DPP6: variants seen among roughly 807,000 people sequenced by gnomAD.
The protein encoded by DPP6 is dipeptidyl peptidase like 6.
A neutral mutation model predicts 122.6 loss-of-function variants in DPP6; 69 were observed. The observed-to-expected ratio is 0.56, with a 90% confidence interval of 0.46 to 0.69. The LOEUF is 0.69. Among genes scored for constraint, DPP6 ranks in the 30% least tolerant of loss-of-function variants. The pLI is 0.00. For missense variants in DPP6, 928 were observed against 1,116.9 expected (o/e 0.83, Z 2.41); for synonymous variants, 418 against 433.1 (o/e 0.97, Z 0.43).
Position 154,649,568 on chromosome 7 carries a change from G to A in DPP6, c.680+11695G>A, listed in dbSNP as rs1007817376. ...TCCGCCCGGTCACTGTGTATGGCAG[G>A]TGGAATCCACCATGCCCTGGGGGTG... is the stretch of plus-strand genomic sequence containing the variant. On this transcript the variant is annotated intron_variant, in intron 6 of 25. Transcript: ENST00000377770. Among the ~76,000 whole-genome samples the A allele has an allele frequency of 2.0e-5, 3 of 152,164 alleles. No individual in the cohort carries two copies. The East Asian group carries it at 5.8e-4, about 29-fold the overall frequency.
chr7:153,955,582 G>C (rs575506817), intron 1 of DPP6, among the ~76,000 whole-genome samples: 1 of 152,138 alleles, frequency 6.6e-6, no homozygotes, highest in Non-Finnish European at 1.5e-5. Context: ...GGGATTACAG[G>C]CACCCGCCAC....
the DPP6 span, among the ~76,000 whole-genome samples, chr7:153,771,150 C>A: frequency 6.6e-6 from 1 of 151,954 alleles, no homozygotes; most frequent in African/African-American, 2.4e-5. Context: ...TAAATAAATG[C>A]CAATATAAGT....
At chr7:153,979,426 T>C (rs527509959) in intron 1 of DPP6, among the ~76,000 whole-genome samples, 1 of 152,390 alleles carries the variant, frequency 6.6e-6, no homozygotes, top group African/African-American at 2.4e-5. Flanking sequence ...AAGTTGCTTA[T>C]CAGCTTAAGG....
the DPP6 span, among the ~76,000 whole-genome samples, chr7:153,776,470 G>C: frequency 6.6e-6 from 1 of 152,204 alleles, no homozygotes; most frequent in Middle Eastern, 3.4e-3. Flanking sequence ...CACCGTGATT[G>C]TAAGTTTCCT....
chr7:154,715,785 C>G (rs2131321300), intron 7 of DPP6, among the ~76,000 whole-genome samples: 1 of 152,150 alleles, frequency 6.6e-6, no homozygotes, highest in East Asian at 1.9e-4. Flanking sequence ...AGGTGATGAA[C>G]CTGCCATCTC....
intron 6 of DPP6, among the ~76,000 whole-genome samples, chr7:154,643,353 G>C (rs1425421362): frequency 6.6e-6 from 1 of 151,940 alleles, no homozygotes; most frequent in Non-Finnish European, 1.5e-5. Flanking sequence ...TTGAAATACT[G>C]TCTGGAGCAA....
intron 3 of DPP6, among the ~76,000 whole-genome samples, chr7:154,476,120 G>T (rs1822713157): frequency 2.0e-5 from 3 of 152,186 alleles, no homozygotes; most frequent in African/African-American, 7.2e-5. Context: ...TTAGTCTCCT[G>T]CTTAGGGGCA....
intron 1 of DPP6, among the ~76,000 whole-genome samples, chr7:154,431,063 G>A (rs1458277986): frequency 6.6e-6 from 1 of 152,170 alleles, no homozygotes; most frequent in African/African-American, 2.4e-5. Flanking sequence ...CACTGGTTGT[G>A]TTCAGATGAG....
chr7:153,933,088 A>G (rs1801249174), intron 1 of DPP6, among the ~76,000 whole-genome samples: 4 of 152,202 alleles, frequency 2.6e-5, no homozygotes, highest in Admixed American at 2.6e-4. Context: ...CCCCTCAGCC[A>G]CATGAAACTG....
intron 1 of DPP6, among the ~76,000 whole-genome samples, chr7:153,920,879 A>G (rs969248841): frequency 2.6e-5 from 4 of 152,074 alleles, no homozygotes; most frequent in Non-Finnish European, 4.4e-5. Context: ...CGTTATTAAT[A>G]TTAATACAAA....
chr7:154,092,272 G>A (rs1479631950), intron 1 of DPP6: 1 of 152,056 alleles, frequency 6.6e-6, no homozygotes, highest in Non-Finnish European at 1.5e-5. Flanking sequence ...TTTTCTTACA[G>A]AGGCACAGGA....
intron 1 of DPP6, among the ~76,000 whole-genome samples, chr7:154,121,058 C>T (rs1361233917): frequency 6.6e-6 from 1 of 152,098 alleles, no homozygotes; most frequent in Admixed American, 6.6e-5. Flanking sequence ...CCCCTTTGCT[C>T]GACTCTCATG....
At chr7:154,409,549 T>C (rs895266179) in intron 1 of DPP6, among the ~76,000 whole-genome samples, 3 of 152,214 alleles carry the variant, frequency 2.0e-5, no homozygotes, top group African/African-American at 7.2e-5. Flanking sequence ...TTCTATGTTG[T>C]TTATATCGTG....
upstream of DPP6, among the ~76,000 whole-genome samples, chr7:153,883,387 G>GT (rs1418942027): frequency 1.0e-5 from 1 of 100,200 alleles, no homozygotes; most frequent in African/African-American, 4.6e-5. Flanking sequence ...CCTTTTTTTT[G>GT]TTCTTTTTTT....
At chr7:154,414,855 C>G (rs146498163) in intron 1 of DPP6, among the ~76,000 whole-genome samples, 2 of 152,296 alleles carry the variant, frequency 1.3e-5, no homozygotes, top group East Asian at 3.9e-4. Flanking sequence ...TAGAGATACA[C>G]GAGTCCAAAT....
the DPP6 span, among the ~76,000 whole-genome samples, chr7:153,792,389 T>C: frequency 1.3e-5 from 2 of 152,248 alleles, no homozygotes; most frequent in African/African-American, 4.8e-5. Context: ...TTGTTTAGTT[T>C]CAGCAATAGT....
At chr7:154,406,478 TAC>T (rs35978383) in intron 1 of DPP6, among the ~76,000 whole-genome samples, 10,207 of 146,678 alleles carry the variant, frequency 0.07, 813 homozygotes, top group African/African-American at 0.2. Context: ...CGCACACGCA[TAC>T]ACACACACAC....
chr7:154,542,007 G>C (rs929556990), intron 4 of DPP6, among the ~76,000 whole-genome samples: 1 of 152,100 alleles, frequency 6.6e-6, no homozygotes, highest in African/African-American at 2.4e-5. Context: ...CCCTCCTAAA[G>C]AACATGTAAC....
intron 5 of DPP6, among the ~76,000 whole-genome samples, chr7:154,633,511 C>T (rs1157031697): frequency 6.6e-6 from 1 of 152,242 alleles, no homozygotes; most frequent in Admixed American, 6.5e-5. Context: ...GCTGGGATTA[C>T]AGGCGTGAGC....
Sources: gnomAD v4.1 joint callset for allele counts (sites outside exome capture counted in the v4.1 genomes callset) on GRCh38, gnomAD v4.1.1 for gene constraint, MANE v1.5 for transcripts, NCBI Gene and HGNC (gene_info 2026-07-23, HGNC 2026-07-21) for gene names.